RNF150: variants seen among roughly 807,000 people sequenced by gnomAD.
The protein encoded by RNF150 is ring finger protein 150.
In RNF150, 24 loss-of-function variants were observed where a neutral mutation model predicts 39.3. That is an observed-to-expected ratio of 0.61 (90% confidence interval 0.44 to 0.86). The LOEUF (loss-of-function observed/expected upper bound fraction) is 0.86, where lower values mean the gene tolerates loss of function less well. Ranked by LOEUF, RNF150 falls within the 40% of genes least tolerant of loss-of-function variation. The pLI, the probability that RNF150 is intolerant of heterozygous loss-of-function variation, is 0.00. For missense variants in RNF150, 502 were observed against 587.8 expected (o/e 0.85, Z 1.51); for synonymous variants, 255 against 227.3 (o/e 1.12, Z -1.10).
At chr4:141,156,543 G>A (rs1004437191) in intron 1 of RNF150, among the ~76,000 whole-genome samples, 1 of 151,990 alleles carries the variant, frequency 6.6e-6, no homozygotes. Flanking sequence ...AGCCTCCCAA[G>A]TAGCTGGGAC....
chr4:141,180,405 T>G (rs907144292), intron 1 of RNF150, among the ~76,000 whole-genome samples: 1 of 152,186 alleles, frequency 6.6e-6, no homozygotes, highest in Admixed American at 6.5e-5. Context: ...CTGGGTTTCA[T>G]GCTACCCCAG....
intron 1 of RNF150, among the ~76,000 whole-genome samples, chr4:141,212,095 A>AATAAT (rs1728478127): frequency 1.3e-5 from 2 of 152,204 alleles, no homozygotes; most frequent in East Asian, 3.9e-4. Flanking sequence ...ACAATATCTC[A>AATAAT]CTGAATAATC....
intron 1 of RNF150, among the ~76,000 whole-genome samples, chr4:141,004,155 G>A (rs971190394): frequency 8.0e-5 from 12 of 150,542 alleles, no homozygotes; most frequent in East Asian, 2.0e-4. Context: ...CTACAATGGC[G>A]AACAACAACA....
chr4:140,911,297 G>C lies in RNF150; in HGVS notation c.1045C>G (p.Pro349Ala). ...PTDFEGSLGG[P>A]PTNQITGASD... ...GCACCTGTGATCTGGTTGGTGGGTG[G>C]ACCTCCCAGAGAGCCCTCGAAGTCA... Residue 349 changes from proline to alanine, a missense_variant, in exon 6 of 7, where the codon CCA (proline) becomes GCA (alanine). Coordinates refer to ENST00000515673, the MANE Select transcript of RNF150 (RefSeq NM_020724.2). 1 of 1,614,108 alleles carries C rather than the reference G, an allele frequency of 6.2e-7. No individual in the cohort carries two copies. Among genetic ancestry groups the C allele is most frequent in the Non-Finnish European group, 8.5e-7 (1 of 1,180,018 alleles).
chr4:140,889,482 C>T (rs1172261055), intron 6 of RNF150, among the ~76,000 whole-genome samples: 1 of 152,180 alleles, frequency 6.6e-6, no homozygotes, highest in Non-Finnish European at 1.5e-5. Context: ...TTCCTCCTAA[C>T]CCCAATCATT....
intron 1 of RNF150, among the ~76,000 whole-genome samples, chr4:141,083,650 C>CT (rs1028674523): frequency 5.9e-5 from 9 of 151,822 alleles, no homozygotes; most frequent in African/African-American, 1.5e-4. Context: ...TTTTTCCCTT[C>CT]TTTTTTTCCC....
At chr4:140,982,874 G>A (rs1366991838) in intron 1 of RNF150, among the ~76,000 whole-genome samples, 1 of 152,068 alleles carries the variant, frequency 6.6e-6, no homozygotes, top group Non-Finnish European at 1.5e-5. Context: ...CTCATCAGCT[G>A]TAGTCAGTGT....
intron 1 of RNF150, among the ~76,000 whole-genome samples, chr4:141,145,541 G>T (rs1727185552): frequency 6.6e-6 from 1 of 152,108 alleles, no homozygotes; most frequent in South Asian, 2.1e-4. Flanking sequence ...GCACATGTGT[G>T]TATTCATGTG....
intron 1 of RNF150, among the ~76,000 whole-genome samples, chr4:140,980,171 G>T (rs1208098358): frequency 6.6e-6 from 1 of 151,964 alleles, no homozygotes. Context: ...GCCTTCTGGG[G>T]TGCTGGGACT....
At chr4:141,050,245 A>G (rs1736726992) in intron 1 of RNF150, among the ~76,000 whole-genome samples, 1 of 152,044 alleles carries the variant, frequency 6.6e-6, no homozygotes, top group Non-Finnish European at 1.5e-5. Context: ...TTTTCCTCCC[A>G]TGACATGTGG....
At chr4:141,019,559 G>A (rs1899424) in intron 1 of RNF150, among the ~76,000 whole-genome samples, 140,892 of 152,136 alleles carry the variant, frequency 0.93, 65,998 homozygotes, top group Non-Finnish European at 1. Flanking sequence ...CTAAACTTTC[G>A]TTATTACCAT....
intron 1 of RNF150, among the ~76,000 whole-genome samples, chr4:141,046,869 T>G (rs73849499): frequency 0.013 from 1,993 of 152,242 alleles, 44 homozygotes; most frequent in African/African-American, 0.046. Flanking sequence ...TTTCACCTTC[T>G]TTGCAAGTAC....
intron 1 of RNF150, among the ~76,000 whole-genome samples, chr4:141,103,950 T>C (rs1163858594): frequency 6.6e-6 from 1 of 152,188 alleles, no homozygotes; most frequent in Non-Finnish European, 1.5e-5. Context: ...ACAGTAATAT[T>C]GCAGGAGAAA....
intron 1 of RNF150, among the ~76,000 whole-genome samples, chr4:141,055,812 G>C (rs1008121932): frequency 3.9e-5 from 6 of 152,130 alleles, no homozygotes; most frequent in African/African-American, 1.4e-4. Context: ...TTCTACAACT[G>C]ATAAAAAGAA....
At chr4:141,167,022 C>T (rs1219596123) in intron 1 of RNF150, among the ~76,000 whole-genome samples, 1 of 152,154 alleles carries the variant, frequency 6.6e-6, no homozygotes, top group Non-Finnish European at 1.5e-5. Context: ...TTGCAGATGA[C>T]ATGATTGTAC....
chr4:141,193,897 A>G (rs1728156633), intron 1 of RNF150, among the ~76,000 whole-genome samples: 1 of 152,194 alleles, frequency 6.6e-6, no homozygotes, highest in East Asian at 1.9e-4. Context: ...ATTACATGAT[A>G]AGGAGGATTA....
chr4:141,082,491 A>G (rs1469523819), intron 1 of RNF150, among the ~76,000 whole-genome samples: 2 of 152,246 alleles, frequency 1.3e-5, no homozygotes, highest in Non-Finnish European at 2.9e-5. Context: ...CTCAGCCCTC[A>G]ATGTGCTCCT....
chr4:141,097,054 C>A (rs1738814940), intron 1 of RNF150, among the ~76,000 whole-genome samples: 1 of 152,212 alleles, frequency 6.6e-6, no homozygotes, highest in Non-Finnish European at 1.5e-5. Flanking sequence ...AAATGATCAT[C>A]CAATTAACAC....
chr4:141,038,882 G>C (rs981004032), intron 1 of RNF150, among the ~76,000 whole-genome samples: 1 of 152,124 alleles, frequency 6.6e-6, no homozygotes. Flanking sequence ...GGAAGAACAT[G>C]GCCCAGAGCA....
Sources: allele counts gnomAD v4.1 joint callset (sites outside exome capture counted in the v4.1 genomes callset), GRCh38; gene constraint gnomAD v4.1.1; transcripts MANE v1.5; gene names NCBI Gene and HGNC (gene_info 2026-07-23, HGNC 2026-07-21).